INTS11: variants seen among roughly 807,000 people sequenced by gnomAD.
INTS11 encodes the protein CPSF3-like protein.
A neutral mutation model predicts 78.6 loss-of-function variants in INTS11; 77 were observed. The observed-to-expected ratio is 0.98, with a 90% confidence interval of 0.81 to 1.18. The LOEUF is 1.18. Ranked by LOEUF, INTS11 falls within the 50% of genes most tolerant of loss-of-function variation. The pLI is 0.00. For missense variants in INTS11, 875 were observed against 825.9 expected, an observed-to-expected ratio of 1.06 and a Z score of -0.73; for synonymous variants, 441 against 326.9, an observed-to-expected ratio of 1.35 and a Z score of -3.77.
intron 3 of INTS11, 32 bp downstream of exon 3, chr1:1,320,424 T>A (rs749668932): frequency 1.2e-6 from 2 of 1,606,474 alleles, no homozygotes; most frequent in African/African-American, 2.7e-5. Flanking sequence ...GGCACAGACA[T>A]GGGACCCTCA....
chr1:1,321,174 G>A, intron 1 of INTS11, 81 bp from the exon 2 acceptor site: 1 of 1,131,784 alleles, frequency 8.8e-7, no homozygotes, highest in South Asian at 1.4e-5. Context: ...GGACCCCAGT[G>A]CACTGAGGAA....
chr1:1,312,322 A>G lies in INTS11; in HGVS notation c.1511T>C (p.Leu504Pro), dbSNP rs1343432345. The G allele has an allele frequency of 6.4e-7, 1 of 1,554,388 alleles. No individual in the cohort carries two copies. The highest frequency in any genetic ancestry group is 8.7e-7 in the Non-Finnish European group (1 of 1,149,132). The change falls in exon 15 of 17, where the codon CTG becomes CCG. Residue 504 changes from leucine to proline, a missense_variant. Physicochemically the swap from Leu to Pro is moderately conservative, Grantham distance 98. Coordinates refer to ENST00000435064, the MANE Select transcript of INTS11 (RefSeq NM_017871.6). ...GGTGAAGCGCAGCTGGTGCTCAGCCAGACCCAGCTCTTTGAGGGCTTGCTC... is the reference window on the plus strand; with the variant it reads ...GGTGAAGCGCAGCTGGTGCTCAGCCGGACCCAGCTCTTTGAGGGCTTGCTC... ...SSEQALKELG[L>P]AEHQLRFTCR...
Position 1,313,327 on chromosome 1 carries a change from G to A in INTS11, c.1041+182C>T, listed in dbSNP as rs113577308. On this transcript the variant is annotated intron_variant, in intron 10 of 16. Coordinates refer to ENST00000435064, the MANE Select transcript of INTS11 (RefSeq NM_017871.6). ...GGCTGGGGCTGTTCTGCCCGAGGTG[G>A]ACAAGCTGTGTCACAGAGACTGAGC... 202 of 879,326 alleles carry A rather than the reference G, an allele frequency of 2.3e-4. 1 individual carries two copies. In the African/African-American group the frequency reaches 2.9e-3, roughly 12 times the overall value. 54.5% of individuals were successfully genotyped at this position (879,326 alleles called of 1,614,324 possible).
chr1:1,313,155 G>GA (rs1352548145), intron 10 of INTS11, 31 bp from the exon 11 acceptor site: 1 of 1,590,578 alleles, frequency 6.3e-7, no homozygotes, highest in Non-Finnish European at 8.5e-7. Flanking sequence ...CACAGCCAGG[G>GA]AACTCCAGCC....
chr1:1,324,456 G>A (rs1005765218), intron 1 of INTS11, 125 bp downstream of exon 1: 3 of 980,722 alleles, frequency 3.1e-6, no homozygotes, highest in African/African-American at 3.4e-5. Flanking sequence ...CGCGCGGGGA[G>A]GAGACCGGAG....
At chr1:1,321,188 G>A (rs550210585) in intron 1 of INTS11, 95 bp from the exon 2 acceptor site, 24 of 936,632 alleles carry the variant, frequency 2.6e-5, no homozygotes, top group South Asian at 9.0e-5. Flanking sequence ...TGAGGAAACC[G>A]GACCAAGTCT....
intron 1 of INTS11, chr1:1,323,157 G>T: frequency 6.5e-7 from 1 of 1,549,806 alleles, no homozygotes; most frequent in Non-Finnish European, 8.7e-7. Flanking sequence ...CGGGGCGGGG[G>T]GCACCCTCCG....
At position 1,314,159 on chromosome 1, in the gene INTS11, C is replaced by T. The variant is rs1642428246; in HGVS notation, c.767+142G>A. The T allele has an allele frequency of 1.2e-6, 1 of 861,796 alleles. No individual in the cohort carries two copies. The highest frequency in any genetic ancestry group is 1.9e-6 in the Non-Finnish European group (1 of 529,532). The allele number at this position is 861,796 out of a possible 1,614,324, so 53.4% of individuals were successfully genotyped here. The stretch of plus-strand genomic sequence containing the variant: ...CGGGATGTCACAGGCTTCCTGGGGT[C>T]ACACAGCACACGAGCGGCCCCCCAG... On this transcript the variant is annotated intron_variant, in intron 8 of 16. Transcript: ENST00000435064. The surrounding 1 kb of genome is among the most constrained non-coding windows in gnomAD (Gnocchi z 4.2).
intron 1 of INTS11, chr1:1,322,930 A>G: frequency 2.2e-6 from 3 of 1,347,184 alleles, no homozygotes; most frequent in Non-Finnish European, 2.9e-6. Context: ...CCAGGTACAG[A>G]TTGCGGGTAA....
chr1:1,314,779 C>T lies in INTS11; in HGVS notation c.702+45G>A. ...CAGCCAAGCCTGCCAGAAAGACCAG[C>T]CCAGCATGGCCGAGGGCCCATGTCC... is the stretch of plus-strand genomic sequence containing the variant. On this transcript the variant is annotated intron_variant, in intron 7 of 16. Coordinates refer to ENST00000435064, the MANE Select transcript of INTS11 (RefSeq NM_017871.6). The surrounding 1 kb of genome is among the most constrained non-coding windows in gnomAD (Gnocchi z 4.2). 6.3e-7 allele frequency: 1 copy of T among 1,584,962 alleles called. No homozygotes were observed.
rs367624525 is a variant in INTS11 at position 1,314,284 on chromosome 1, G to A, written c.767+17C>T. On this transcript the variant is annotated intron_variant, in intron 8 of 16. Coordinates refer to ENST00000435064, the MANE Select transcript of INTS11 (RefSeq NM_017871.6). The surrounding 1 kb of genome is among the most constrained non-coding windows in gnomAD (Gnocchi z 4.2). ...CGGGCCAGGGGCTCCTTAAAGAGCC[G>A]TCCTGGCGGCACCTACCAGAAGGTC... The A allele has an allele frequency of 1.6e-5, 25 of 1,582,928 alleles. No individual in the cohort carries two copies. Among genetic ancestry groups the A allele is most frequent in the Middle Eastern group, 1.7e-4 (1 of 6,044 alleles).
chr1:1,315,275 C>G, intron 6 of INTS11, 129 bp downstream of exon 6: 1 of 1,159,602 alleles, frequency 8.6e-7, no homozygotes. Context: ...ACGAAGGGGG[C>G]TCTCCAGGCC....
intron 3 of INTS11, 158 bp downstream of exon 3, chr1:1,320,298 C>A (rs1642868259): frequency 2.9e-6 from 2 of 690,192 alleles, no homozygotes; most frequent in African/African-American, 1.8e-5. Flanking sequence ...ATGTGTGTGA[C>A]CAGTAAGGCA....
intron 9 of INTS11, 55 bp downstream of exon 9, chr1:1,313,677 A>C: frequency 6.2e-7 from 1 of 1,610,182 alleles, no homozygotes; most frequent in Non-Finnish European, 8.5e-7. Context: ...ACACCTGCGG[A>C]AGACAGGAGA....
intron 1 of INTS11, among the ~76,000 whole-genome samples, chr1:1,323,795 G>A (rs1250338479): frequency 1.4e-5 from 2 of 138,514 alleles, no homozygotes; most frequent in Non-Finnish European, 3.1e-5. Context: ...GAGCTAAAGT[G>A]AGAGTTGATT....
At chr1:1,318,658 AAAAATT>A (rs1164046775) in intron 4 of INTS11, 2 of 455,486 alleles carry the variant, frequency 4.4e-6, no homozygotes, top group Non-Finnish European at 7.8e-6. Context: ...AAAAAAAAAA[AAAAATT>A]AAAGTTTCAC....
At chr1:1,322,427 C>A (rs74045442) in intron 1 of INTS11, among the ~76,000 whole-genome samples, 2,774 of 148,160 alleles carry the variant, frequency 0.019, 99 homozygotes, top group African/African-American at 0.066. Context: ...ACCCAAAGCA[C>A]GCCAGACGAA....
chr1:1,321,908 C>A, intron 1 of INTS11: 2 of 1,331,384 alleles, frequency 1.5e-6, no homozygotes, highest in Non-Finnish European at 9.7e-7. Context: ...TCCCACCCAC[C>A]TCCCCCTGCC....
At chr1:1,318,300 A>G (rs1642735198) in intron 4 of INTS11, among the ~76,000 whole-genome samples, 1 of 152,198 alleles carries the variant, frequency 6.6e-6, no homozygotes, top group South Asian at 2.1e-4. Flanking sequence ...AAATATATAA[A>G]TAAAACTAAG....
Sources: gnomAD v4.1 joint callset for allele counts (sites outside exome capture counted in the v4.1 genomes callset) on GRCh38, gnomAD v4.1.1 for gene constraint, Gnocchi (gnomAD v3.1) non-coding constraint, MANE v1.5 for transcripts, NCBI Gene and HGNC (gene_info 2026-07-23, HGNC 2026-07-21) for gene names.